The following DPP10 variants were observed in gnomAD, a reference collection of about 807,000 sequenced individuals.
DPP10 encodes the protein inactive dipeptidyl peptidase 10.
A neutral mutation model predicts 120.9 loss-of-function variants in DPP10; 33 were observed. The observed-to-expected ratio is 0.27, with a 90% CI of 0.21 to 0.37. The LOEUF is 0.37. DPP10 is among the 10% of genes least tolerant of loss of function. The pLI, the probability that DPP10 is intolerant of heterozygous loss-of-function variation, is 1.00. For missense variants in DPP10, 816 were observed against 942.8 expected, an observed-to-expected ratio of 0.87 and a Z score of 1.76; for synonymous variants, 337 against 326.1, an observed-to-expected ratio of 1.03 and a Z score of -0.36.
intron 1 of DPP10, among the ~76,000 whole-genome samples, chr2:114,523,002 C>T (rs890048149): frequency 4.6e-5 from 7 of 152,192 alleles, no homozygotes; most frequent in Admixed American, 3.9e-4. Flanking sequence ...TGAGTAGGCA[C>T]ATGCAGCCAA....
chr2:115,287,277 T>G (rs758491202), intron 1 of DPP10, among the ~76,000 whole-genome samples: 14 of 152,128 alleles, frequency 9.2e-5, no homozygotes, highest in Admixed American at 1.3e-4. Context: ...CTGTCAGTTT[T>G]ATTTTATTTT....
At chr2:114,688,181 C>T (rs1559004566) in intron 1 of DPP10, among the ~76,000 whole-genome samples, 2 of 151,828 alleles carry the variant, frequency 1.3e-5, no homozygotes, top group Admixed American at 6.6e-5. Context: ...CATATAAAAA[C>T]TAAAAAATGA....
intron 1 of DPP10, among the ~76,000 whole-genome samples, chr2:114,908,863 T>C (rs888183504): frequency 4.0e-5 from 6 of 151,832 alleles, no homozygotes; most frequent in Non-Finnish European, 8.9e-5. Flanking sequence ...AATATTATTA[T>C]TTTAAAATAT....
intron 1 of DPP10, among the ~76,000 whole-genome samples, chr2:115,031,639 C>G (rs756076702): frequency 1.8e-4 from 28 of 152,108 alleles, no homozygotes; most frequent in Non-Finnish European, 3.2e-4. Context: ...TTCTGTTTAT[C>G]CTTTTCTCCA....
intron 2 of DPP10, among the ~76,000 whole-genome samples, chr2:115,313,051 A>G (rs948402868): frequency 2.6e-5 from 4 of 152,030 alleles, no homozygotes; most frequent in African/African-American, 9.7e-5. Flanking sequence ...GTGAAACCCC[A>G]TATCTACTAA....
intron 1 of DPP10, among the ~76,000 whole-genome samples, chr2:114,637,189 A>G (rs1468880799): frequency 6.6e-6 from 1 of 151,984 alleles, no homozygotes; most frequent in African/African-American, 2.4e-5. Flanking sequence ...TTAGCCTTGG[A>G]ATAAAACGTT....
At chr2:114,461,727 G>A in intron 1 of DPP10, 1 of 985,340 alleles carries the variant, frequency 1.0e-6, no homozygotes, top group East Asian at 1.1e-4. Flanking sequence ...TCCTAGCCAG[G>A]GACATGTTAA....
At chr2:114,977,180 A>C (rs929342822) in intron 1 of DPP10, among the ~76,000 whole-genome samples, 9 of 152,136 alleles carry the variant, frequency 5.9e-5, no homozygotes, top group African/African-American at 2.2e-4. Flanking sequence ...ATATGTTTAC[A>C]TCTTGTGCAA....
chr2:114,577,602 C>G (rs986335471), intron 1 of DPP10, among the ~76,000 whole-genome samples: 1 of 152,102 alleles, frequency 6.6e-6, no homozygotes, highest in African/African-American at 2.4e-5. Context: ...TTTAAAGTAA[C>G]AGGCATGACA....
intron 15 of DPP10, among the ~76,000 whole-genome samples, chr2:115,778,052 A>C (rs181547310): frequency 3.0e-4 from 46 of 152,116 alleles, no homozygotes; most frequent in African/African-American, 1.1e-3. Flanking sequence ...CAGCCTCCTT[A>C]TTCTTTTCTT....
intron 1 of DPP10, among the ~76,000 whole-genome samples, chr2:115,034,529 G>C (rs2105263111): frequency 6.6e-6 from 1 of 152,212 alleles, no homozygotes; most frequent in Non-Finnish European, 1.5e-5. Context: ...ACTGCCCTCA[G>C]AAATGTCCCT....
At chr2:114,554,639 G>T (rs1279751904) in intron 1 of DPP10, among the ~76,000 whole-genome samples, 1 of 152,092 alleles carries the variant, frequency 6.6e-6, no homozygotes, top group Admixed American at 6.5e-5. Flanking sequence ...GTACATGTAG[G>T]GACAGTTTCT....
intron 5 of DPP10, among the ~76,000 whole-genome samples, chr2:115,534,129 C>T (rs1274667913): frequency 6.6e-6 from 1 of 151,116 alleles, no homozygotes; most frequent in African/African-American, 2.4e-5. Context: ...TATTATTATA[C>T]TTCAAGTTTT....
chr2:114,475,504 TTCTTC>T (rs763899931), intron 1 of DPP10, among the ~76,000 whole-genome samples: 9 of 152,162 alleles, frequency 5.9e-5, no homozygotes, highest in Non-Finnish European at 1.3e-4. Context: ...TCTGTCTCTG[TTCTTC>T]TCTTTTCTCC....
chr2:114,787,066 C>T (rs1157094640), intron 1 of DPP10, among the ~76,000 whole-genome samples: 1 of 152,190 alleles, frequency 6.6e-6, no homozygotes, highest in Admixed American at 6.5e-5. Flanking sequence ...GTGTCAGATG[C>T]TGATACGCAT....
chr2:114,901,940 A>G (rs1195838487), intron 1 of DPP10, among the ~76,000 whole-genome samples: 1 of 152,236 alleles, frequency 6.6e-6, no homozygotes, highest in African/African-American at 2.4e-5. Context: ...AGCAAAGATT[A>G]TGGCAACAGC....
In DPP10 at chr2:115,121,457, A is replaced by G. The variant is rs538088209; in HGVS notation, c.61-187782A>G. Among the ~76,000 whole-genome samples the G allele has an allele frequency of 7.3e-4, 111 of 152,252 alleles. 2 individuals carry two copies. Among genetic ancestry groups the G allele is most frequent in the African/African-American group, 2.4e-3 (99 of 41,566 alleles). ...TGGCTTTGTCCTGTTGATGGCCAGC[A>G]ATGTCTGATCTGGGAGCTAGCTGGA... On this transcript the variant is annotated intron_variant, in intron 1 of 25. Transcript: ENST00000410059.
chr2:115,686,040 T>C (rs1413561656), intron 5 of DPP10, among the ~76,000 whole-genome samples: 1 of 152,090 alleles, frequency 6.6e-6, no homozygotes, highest in African/African-American at 2.4e-5. Flanking sequence ...TTGCTTGTTG[T>C]CTACTTTCCC....
At chr2:115,730,142 G>A (rs1362579038) in intron 8 of DPP10, among the ~76,000 whole-genome samples, 1 of 152,168 alleles carries the variant, frequency 6.6e-6, no homozygotes, top group Non-Finnish European at 1.5e-5. Context: ...GTGACAGCAG[G>A]AACCTGGGGT....
Sources: gnomAD v4.1 joint callset for allele counts (sites outside exome capture counted in the v4.1 genomes callset) on GRCh38, gnomAD v4.1.1 for gene constraint, MANE v1.5 for transcripts, NCBI Gene and HGNC (gene_info 2026-07-23, HGNC 2026-07-21) for gene names.